Variants in SMPD4 observed in about 807,000 individuals in gnomAD.
SMPD4 encodes sphingomyelin phosphodiesterase 4.
A neutral mutation model predicts 97.8 loss-of-function variants in SMPD4; 58 were observed. That is an observed-to-expected ratio of 0.59 (90% CI 0.48 to 0.74). The LOEUF (loss-of-function observed/expected upper bound fraction) is 0.74, where lower values mean the gene tolerates loss of function less well. Ranked by LOEUF, SMPD4 falls within the 30% of genes least tolerant of loss-of-function variation. The probability of loss-of-function intolerance (pLI) is 0.00; values close to 1 mark genes in which losing one functional copy is unlikely to be tolerated. For synonymous variants in SMPD4, 388 were observed against 450.0 expected, an observed-to-expected ratio of 0.86 and a Z score of 1.74; for missense variants, 853 against 1,080.5, an observed-to-expected ratio of 0.79 and a Z score of 2.95.
upstream of SMPD4, chr2:130,181,656 C>G (rs1423310876): frequency 7.0e-5 from 108 of 1,551,530 alleles, no homozygotes; most frequent in South Asian, 1.2e-3. Context: ...GCTTCCACCT[C>G]TTTGGGCCGT....
At chr2:130,161,342 G>C in intron 10 of SMPD4, 70 bp from the exon 11 acceptor site, 1 of 1,306,324 alleles carries the variant, frequency 7.7e-7, no homozygotes, top group Admixed American at 1.7e-5. Context: ...GGTGGGGAAG[G>C]GGAGAGATAG....
At chr2:130,179,627 T>A (rs1689305864) in intron 1 of SMPD4, among the ~76,000 whole-genome samples, 1 of 151,816 alleles carries the variant, frequency 6.6e-6, no homozygotes, top group African/African-American at 2.4e-5. Context: ...CCTCAAGTGA[T>A]CCGCTGCCTC....
At chr2:130,163,987 G>A (rs1176908921) in intron 10 of SMPD4, among the ~76,000 whole-genome samples, 2 of 152,194 alleles carry the variant, frequency 1.3e-5, no homozygotes, top group Non-Finnish European at 2.9e-5. Context: ...TCATGGGAAA[G>A]CACAAAGGCA....
intron 11 of SMPD4, 42 bp downstream of exon 11, chr2:130,161,144 C>G: frequency 6.3e-7 from 1 of 1,593,232 alleles, no homozygotes; most frequent in East Asian, 2.2e-5. Context: ...CAGGCATGGA[C>G]ATGCACTCTG....
Position 130,153,809 on chromosome 2 carries a change from T to C in SMPD4, c.1786A>G (p.Asn596Asp). The change falls in exon 17 of 20, where the codon AAT (asparagine) becomes GAT (aspartate). Residue 596 changes from asparagine (N) to aspartate (D), a missense_variant. Around this residue, in one of 3 missense-constraint regions of SMPD4, gnomAD observed 511 missense variants for 608.1 expected, o/e 0.84. Coordinates refer to ENST00000680298, the MANE Select transcript of SMPD4 (RefSeq NM_017951.5). ...AGGTCGTTGGCTGTGTAGGAGCCAT[T>C]GGTGTCCATGGAGCTAAAGCCCAGC... Reference protein sequence around the residue: ...SWLGFSSMDTNGSYTANDLDE... With the variant: ...SWLGFSSMDTDGSYTANDLDE... 6.2e-7 allele frequency: 1 copy of C among 1,613,994 alleles called. No homozygotes were observed. Among genetic ancestry groups the C allele is most frequent in the Non-Finnish European group, 8.5e-7 (1 of 1,179,870 alleles).
At chr2:130,161,496 CCCCCTCCACAACCAGGCCAGGG>C (rs1275712640) in intron 10 of SMPD4, among the ~76,000 whole-genome samples, 1 of 152,186 alleles carries the variant, frequency 6.6e-6, no homozygotes, top group Non-Finnish European at 1.5e-5. Flanking sequence ...AGCGCAGCAC[CCCCCTCCACAACCAGGCCAGGG>C]CTGTGGCCAC....
chr2:130,154,205 C>T (rs1686527841), intron 16 of SMPD4, 72 bp downstream of exon 16: 1 of 1,479,524 alleles, frequency 6.8e-7, no homozygotes. Context: ...TGCTGGATCA[C>T]AGCACTTCCC....
At chr2:130,178,514 G>T (rs1426388989) in intron 1 of SMPD4, among the ~76,000 whole-genome samples, 2 of 152,274 alleles carry the variant, frequency 1.3e-5, no homozygotes, top group South Asian at 2.1e-4. Flanking sequence ...AGGATCAAAG[G>T]CCGGGCACCA....
Position 130,152,459 on chromosome 2 carries a change from G to A in SMPD4, c.*96C>T, listed in dbSNP as rs1239396469. ...CCGCTCCAGAAGCCCGAGGATGACC[G>A]TGTTCCCTCCTGGAGGGGCTTCCCA... On this transcript the variant is annotated 3_prime_UTR_variant, in exon 20 of 20. Transcript: ENST00000680298. 12 of 1,300,920 alleles carry A rather than the reference G, an allele frequency of 9.2e-6. No individual in the cohort carries two copies. The highest frequency in any genetic ancestry group is 5.5e-4 in the Middle Eastern group (2 of 3,614). The allele number at this position is 1,300,920 out of a possible 1,614,324, so 80.6% of individuals were successfully genotyped here.
At chr2:130,175,021 A>G in intron 2 of SMPD4, 21 bp from the exon 3 acceptor site, 1 of 1,568,624 alleles carries the variant, frequency 6.4e-7, no homozygotes, top group Non-Finnish European at 8.8e-7. Context: ...GAACAAAGCG[A>G]AAAAGTCACG....
rs1688608352 is a variant in SMPD4 at position 130,172,864 on chromosome 2, A to T, written c.377T>A (p.Ile126Asn). Residue 126 changes from isoleucine to asparagine, a missense_variant, in exon 6 of 20, where the codon ATC becomes AAC. Physicochemically the swap from Ile to Asn is moderately radical, Grantham distance 149. This residue lies in a region of SMPD4 where 313 missense variants were observed against 402.2 expected (regional missense o/e 0.78). Transcript: ENST00000680298. ...GTGGTACAGAGGACTGTCAGGGAGGATGCACTCCTGGATGGACGCCTTCAC... is the reference window on the plus strand; with the variant it reads ...GTGGTACAGAGGACTGTCAGGGAGGTTGCACTCCTGGATGGACGCCTTCAC... ...GPVKASIQEC[I>N]LPDSPLYHNK... The T allele has an allele frequency of 6.2e-7, 1 of 1,613,728 alleles. No individual in the cohort carries two copies. The highest frequency in any genetic ancestry group is 1.7e-4 in the Middle Eastern group (1 of 6,058).
At position 130,173,611 on chromosome 2, in the gene SMPD4, T is replaced by G; in HGVS notation, c.172A>C (p.Ser58Arg). 1 of 1,613,906 alleles carries G rather than the reference T, an allele frequency of 6.2e-7. No homozygotes were observed. Reference protein sequence around the residue: ...FPWLVESIFGSLDGVLVGWNL... With the variant: ...FPWLVESIFGRLDGVLVGWNL... ...CAGCCAACGAGGACACCATCTAGGCTGCCAAAAATGCTTTCTACCAGCCAT... is the reference window on the plus strand; with the variant it reads ...CAGCCAACGAGGACACCATCTAGGCGGCCAAAAATGCTTTCTACCAGCCAT... Residue 58 changes from serine (S) to arginine (R), a missense_variant, in exon 4 of 20, where the codon AGC becomes CGC. Transcript: ENST00000680298.
At chr2:130,180,706 A>G (rs1408555729) in intron 1 of SMPD4, among the ~76,000 whole-genome samples, 1 of 152,252 alleles carries the variant, frequency 6.6e-6, no homozygotes, top group Non-Finnish European at 1.5e-5. Flanking sequence ...GTAAGTGCGG[A>G]GCTCTAGAGA....
Position 130,153,737 on chromosome 2 carries a change from C to A in SMPD4, c.1858G>T (p.Glu620Ter), listed in dbSNP as rs1208988007. 3 of 1,613,814 alleles carry A rather than the reference C, an allele frequency of 1.9e-6. No homozygotes were observed. The highest frequency in any genetic ancestry group is 1.1e-5 in the South Asian group (1 of 91,080). Residue 620 changes from glutamate to a stop codon, truncating the protein, a stop_gained, in exon 17 of 20, where the codon GAG (glutamate) becomes TAG (stop). Coordinates refer to ENST00000680298, the MANE Select transcript of SMPD4 (RefSeq NM_017951.5). LOFTEE classifies it high-confidence loss of function. ...DSVRKTDEYLEKALEYLRQIF... is the reference protein window; with the variant it reads ...DSVRKTDEYL ...TGGCGCAGGTACTCCAGGGCCTTCT[C>A]CAGGTATTCATCTGTCTTCCGGACA...
intron 9 of SMPD4, among the ~76,000 whole-genome samples, chr2:130,164,797 A>G (rs1402468222): frequency 1.3e-5 from 2 of 152,298 alleles, no homozygotes; most frequent in East Asian, 3.9e-4. Context: ...GCATGAAAAA[A>G]TACTATAGAT....
intron 5 of SMPD4, 77 bp from the exon 6 acceptor site, chr2:130,172,972 C>A: frequency 6.5e-7 from 1 of 1,529,950 alleles, no homozygotes; most frequent in Non-Finnish European, 8.8e-7. Context: ...ACATGCACAG[C>A]AGCACTTTGG....
chr2:130,176,302 C>T (rs1415990220), intron 2 of SMPD4, among the ~76,000 whole-genome samples: 6 of 152,202 alleles, frequency 3.9e-5, no homozygotes, highest in Admixed American at 3.9e-4. Flanking sequence ...CCTCCTCACA[C>T]CCTTGGGAAG....
chr2:130,154,502 C>G lies in SMPD4; in HGVS notation c.1454-20G>C, dbSNP rs1309509168. The G allele has an allele frequency of 1.9e-6, 3 of 1,551,694 alleles. No individual in the cohort carries two copies. The South Asian group carries it at 3.6e-5, about 18-fold the overall frequency. On this transcript the variant is annotated intron_variant, in intron 15 of 19. Coordinates refer to ENST00000680298, the MANE Select transcript of SMPD4 (RefSeq NM_017951.5). The stretch of plus-strand genomic sequence containing the variant: ...GCTCACCTAGAAGGCAGGAGACGAA[C>G]CTGGCACCCACTTCCCGGAGGCAGA...
In SMPD4 at chr2:130,173,360, C is replaced by A. The variant is rs750479951; in HGVS notation, c.270-6G>T. ...CCAACTTCATCATTGGGCCACTGAACACGAAATTGAACAAACAAACAAAAA... is the reference window on the plus strand; with the variant it reads ...CCAACTTCATCATTGGGCCACTGAAAACGAAATTGAACAAACAAACAAAAA... On this transcript the variant is annotated splice_region_variant and splice_polypyrimidine_tract_variant and intron_variant, in intron 4 of 19. Coordinates refer to ENST00000680298, the MANE Select transcript of SMPD4 (RefSeq NM_017951.5). The A allele has an allele frequency of 1.2e-6, 2 of 1,611,850 alleles. No homozygotes were observed. Among genetic ancestry groups the A allele is most frequent in the Non-Finnish European group, 1.7e-6 (2 of 1,179,268 alleles).
Sources: gnomAD v4.1 joint callset for allele counts (sites outside exome capture counted in the v4.1 genomes callset) on GRCh38, gnomAD v4.1.1 for gene constraint, gnomAD v4.1.1 regional missense constraint, MANE v1.5 for transcripts, NCBI Gene and HGNC (gene_info 2026-07-23, HGNC 2026-07-21) for gene names.